ACAN: variants seen among roughly 807,000 people sequenced by gnomAD.
The protein encoded by ACAN is aggrecan core protein.
Under a neutral mutation model 169.1 loss-of-function variants are expected in ACAN, and 47 were observed. That is an observed-to-expected ratio of 0.28 (90% CI 0.22 to 0.35). The LOEUF (loss-of-function observed/expected upper bound fraction) is 0.35, where lower values mean the gene tolerates loss of function less well. ACAN is among the 10% of genes least tolerant of loss of function. ACAN has a pLI of 1.00. For synonymous variants in ACAN, 1,115 were observed against 1,112.2 expected (o/e 1.00, Z -0.05); for missense variants, 2,716 against 2,759.9 (o/e 0.98, Z 0.36).
At chr15:88,825,738 C>A (rs1471744097) in intron 1 of ACAN, among the ~76,000 whole-genome samples, 1 of 152,092 alleles carries the variant, frequency 6.6e-6, no homozygotes, top group Non-Finnish European at 1.5e-5. Flanking sequence ...AGATTGATGT[C>A]ATCTTTTCAA....
chr15:88,847,260 C>A lies in ACAN; in HGVS notation c.1447C>A (p.Arg483Ser). The A allele has an allele frequency of 1.9e-6, 3 of 1,554,436 alleles. No individual in the cohort carries two copies. Among genetic ancestry groups the A allele is most frequent in the Non-Finnish European group, 2.6e-6 (3 of 1,149,440 alleles). Residue 483 changes from arginine to serine, a missense_variant, in exon 8 of 19, where the codon CGC (arginine) becomes AGC (serine). Arg to Ser is a moderately radical substitution (Grantham distance 110). Transcript: ENST00000560601. ...CCACCCAGGGGTCGTCTTCCACTAC[C>A]GCCCGGGACCCACCCGCTACTCGCT... ...HLPGGVVFHYRPGPTRYSLTF... is the reference protein window; with the variant it reads ...HLPGGVVFHYSPGPTRYSLTF...
In ACAN at chr15:88,872,734, CAGTTTT is replaced by C. The variant is rs1342691705; in HGVS notation, c.7303-146_7303-141del. 40 of 1,013,018 alleles carry C rather than the reference CAGTTTT, an allele frequency of 3.9e-5. No individual in the cohort carries two copies. The highest frequency in any genetic ancestry group is 4.3e-6 in the Non-Finnish European group (3 of 702,254). 62.8% of individuals were successfully genotyped at this position (1,013,018 alleles called of 1,614,324 possible). On this transcript the variant is annotated intron_variant, in intron 16 of 18. Coordinates refer to ENST00000560601, the MANE Select transcript of ACAN (RefSeq NM_001369268.1). This position sits in a 1 kb window ranked among gnomAD's most constrained non-coding sequence, Gnocchi z 5.4. ...AGAACAGCCCTGATCAGATTCCCAG[CAGTTTT>C]TGTGCTGCTATCAGATGAGCCTGAA...
intron 11 of ACAN, among the ~76,000 whole-genome samples, chr15:88,852,310 A>G (rs1296063300): frequency 6.6e-6 from 1 of 152,216 alleles, no homozygotes; most frequent in East Asian, 1.9e-4. Flanking sequence ...CCAAATGCCC[A>G]GGACTGTGCT....
rs1897288150 is a variant in ACAN, at chr15:88,866,848, G to C, written c.6947-1368G>C. Among the ~76,000 whole-genome samples, 1 of 152,186 alleles carries C rather than the reference G, an allele frequency of 6.6e-6. No individual in the cohort carries two copies. ...AGTCTTGGCACATGTTTAGGACTCTGAGATCCTATTCCCACCACAGGGCTT... is the reference window on the plus strand; with the variant it reads ...AGTCTTGGCACATGTTTAGGACTCTCAGATCCTATTCCCACCACAGGGCTT... On this transcript the variant is annotated intron_variant, in intron 13 of 18. Transcript: ENST00000560601. The surrounding 1 kb of genome is among the most constrained non-coding windows in gnomAD (Gnocchi z 5.6).
intron 1 of ACAN, 30 bp from the exon 2 acceptor site, chr15:88,836,170 T>TA: frequency 6.4e-7 from 1 of 1,564,556 alleles, no homozygotes; most frequent in Non-Finnish European, 8.8e-7. Context: ...CTTCACTGTC[T>TA]AAATAACGCC....
rs1555457492 is a variant in ACAN, at chr15:88,871,429, T to C, written c.7108T>C (p.Tyr2370His). 6.2e-7 allele frequency: 1 copy of C among 1,613,804 alleles called. No individual in the cohort carries two copies. ...CTGGAACAAGTACCAGGGCCACTGT[T>C]ACCGCCACTTCCCGGACCGCGAGAC... ...EGWNKYQGHC[Y>H]RHFPDRETWV... The change falls in exon 15 of 19, where the codon TAC (tyrosine) becomes CAC (histidine). Residue 2370 changes from tyrosine to histidine, a missense_variant. Tyr to His is a moderately conservative substitution (Grantham distance 83). Around this residue, in one of 3 missense-constraint regions of ACAN, gnomAD observed 1,389 missense variants for 1,363.7 expected, o/e 1.02. Coordinates refer to ENST00000560601, the MANE Select transcript of ACAN (RefSeq NM_001369268.1). The surrounding 1 kb of genome is among the most constrained non-coding windows in gnomAD (Gnocchi z 7.8).
intron 1 of ACAN, among the ~76,000 whole-genome samples, chr15:88,820,783 T>C (rs1232954262): frequency 1.3e-5 from 2 of 152,166 alleles, no homozygotes; most frequent in African/African-American, 4.8e-5. Flanking sequence ...TTTTTTGAGA[T>C]AAGGTCTTTC....
chr15:88,838,635 T>G lies in ACAN; in HGVS notation c.71-28T>G. On this transcript the variant is annotated intron_variant, in intron 2 of 18. Coordinates refer to ENST00000560601, the MANE Select transcript of ACAN (RefSeq NM_001369268.1). This position sits in a 1 kb window ranked among gnomAD's most constrained non-coding sequence, Gnocchi z 5.1. ...GGTCCTCTCTAGGCACTAACAGGTC[T>G]CTCTTCTACCCCACCTCTCCCACAC... The G allele has an allele frequency of 6.4e-7, 1 of 1,550,490 alleles. No individual in the cohort carries two copies. The highest frequency in any genetic ancestry group is 8.7e-7 in the Non-Finnish European group (1 of 1,145,508).
chr15:88,826,344 G>T (rs1896218346), intron 1 of ACAN, among the ~76,000 whole-genome samples: 1 of 151,580 alleles, frequency 6.6e-6, no homozygotes, highest in South Asian at 2.1e-4. Flanking sequence ...CTGCCACGGA[G>T]CAGGGCATTT....
chr15:88,849,668 C>G lies in ACAN; in HGVS notation c.1963C>G (p.Leu655Val). ...CAAGCCAGGCGTGAGAACGGTCTAC[C>G]TCTACCCTAACCAGACGGGCCTCCC... ...GDKPGVRTVY[L>V]YPNQTGLPDP... is the part of the protein sequence containing the mutation. The change falls in exon 10 of 19, where the codon CTC (leucine) becomes GTC (valine). Residue 655 changes from leucine (L) to valine (V), a missense_variant. Leu to Val is a conservative substitution (Grantham distance 32). Transcript: ENST00000560601. The surrounding 1 kb of genome is among the most constrained non-coding windows in gnomAD (Gnocchi z 5.1). 1.2e-6 allele frequency: 2 copies of G among 1,613,796 alleles called. No individual in the cohort carries two copies. The highest frequency in any genetic ancestry group is 1.7e-6 in the Non-Finnish European group (2 of 1,179,868).
chr15:88,817,831 G>A (rs1159887713), intron 1 of ACAN, among the ~76,000 whole-genome samples: 3 of 126,930 alleles, frequency 2.4e-5, no homozygotes, highest in African/African-American at 9.3e-5. Flanking sequence ...TCCAGACTGC[G>A]CAACAGAGTG....
intron 9 of ACAN, 138 bp downstream of exon 9, chr15:88,848,176 C>A: frequency 2.3e-6 from 3 of 1,321,980 alleles, no homozygotes; most frequent in Non-Finnish European, 2.1e-6. Flanking sequence ...GGGAAAGGGT[C>A]CTGCTGAAAA....
At chr15:88,853,344 AAAG>A (rs1442705860) in intron 11 of ACAN, among the ~76,000 whole-genome samples, 13 of 152,356 alleles carry the variant, frequency 8.5e-5, no homozygotes. Flanking sequence ...GCTTTAAAAA[AAAG>A]AAATGTAGGG....
At chr15:88,833,671 T>TA (rs922647201) in intron 1 of ACAN, among the ~76,000 whole-genome samples, 63 of 144,962 alleles carry the variant, frequency 4.3e-4, no homozygotes, top group Middle Eastern at 3.6e-3. Flanking sequence ...AGTTTGTCTT[T>TA]AAAAAAAAAA....
intron 1 of ACAN, among the ~76,000 whole-genome samples, chr15:88,828,730 C>A (rs1040730041): frequency 4.6e-5 from 7 of 152,210 alleles, no homozygotes; most frequent in Non-Finnish European, 1.0e-4. Context: ...CTTCTCTGCA[C>A]TGCGTGGAGC....
intron 1 of ACAN, among the ~76,000 whole-genome samples, chr15:88,828,262 G>T (rs908154038): frequency 9.2e-5 from 14 of 152,256 alleles, no homozygotes; most frequent in Admixed American, 9.2e-4. Flanking sequence ...AAAGGACAGG[G>T]CCAGACCCTA....
chr15:88,831,905 G>C (rs925772217), intron 1 of ACAN, among the ~76,000 whole-genome samples: 1 of 152,230 alleles, frequency 6.6e-6, no homozygotes, highest in African/African-American at 2.4e-5. Flanking sequence ...CAGGCAGGAA[G>C]CAGATTGGAC....
At position 88,857,898 on chromosome 15, in the gene ACAN, A is replaced by G. The variant is rs1472474612; in HGVS notation, c.5313A>G (p.Gly1771=). 3 of 1,613,292 alleles carry G rather than the reference A, an allele frequency of 1.9e-6. No homozygotes were observed. In the African/African-American group the frequency reaches 4.0e-5, roughly 22 times the overall value. Residue 1771 remains glycine, a synonymous_variant, in exon 12 of 19, where the codon GGA becomes GGG. Transcript: ENST00000560601. ...CAGGTATTAGTGGAGAAGCATCTGG[A>G]GTTCTTTATGGCACTAGTCAACCCT... ...GQPGISGEAS[G]VLYGTSQPFG... is the part of the protein sequence containing the mutation.
chr15:88,867,361 G>A (rs1409428659), intron 13 of ACAN, among the ~76,000 whole-genome samples: 1 of 152,200 alleles, frequency 6.6e-6, no homozygotes, highest in Non-Finnish European at 1.5e-5. Context: ...CTGTATCCCA[G>A]ACTGGTGCCA....
Sources: gnomAD v4.1 joint callset for allele counts (sites outside exome capture counted in the v4.1 genomes callset) on GRCh38, gnomAD v4.1.1 for gene constraint, gnomAD v4.1.1 regional missense constraint, Gnocchi (gnomAD v3.1) non-coding constraint, MANE v1.5 for transcripts, NCBI Gene and HGNC (gene_info 2026-07-23, HGNC 2026-07-21) for gene names.